ANKRD30A: variants seen among roughly 807,000 people sequenced by gnomAD.
ANKRD30A encodes the protein ankyrin repeat domain 30A.
ANKRD30A carries 170 observed loss-of-function variants against 166.3 expected under a neutral mutation model. The ratio of observed to expected loss-of-function variants is 1.02; its 90% CI spans 0.90 to 1.16. The LOEUF (loss-of-function observed/expected upper bound fraction) is 1.16, where lower values mean the gene tolerates loss of function less well. Ranked by LOEUF, ANKRD30A falls within the 50% of genes most tolerant of loss-of-function variation. The pLI is 0.00. For missense variants in ANKRD30A, 1,630 were observed against 1,518.0 expected (o/e 1.07, Z -1.23); for synonymous variants, 564 against 508.9 (o/e 1.11, Z -1.46).
rs779641844 is a variant in ANKRD30A at position 37,149,815 on chromosome 10, C to T, written c.1611C>T (p.Ala537=). ...TGCAAAACTCTGTTCCAAATAAAGCCTTTGAATTGAAGAATGAACAAACAT... is the reference window on the plus strand; with the variant it reads ...TGCAAAACTCTGTTCCAAATAAAGCTTTTGAATTGAAGAATGAACAAACAT... ...IEMQNSVPNK[A]FELKNEQTLR... Residue 537 remains alanine, a synonymous_variant, in exon 11 of 36, where the codon GCC becomes GCT. Transcript: ENST00000361713. 7.4e-6 allele frequency: 12 copies of T among 1,612,728 alleles called. No individual in the cohort carries two copies. Among genetic ancestry groups the T allele is most frequent in the South Asian group, 1.1e-5 (1 of 91,042 alleles).
intron 25 of ANKRD30A, among the ~76,000 whole-genome samples, chr10:37,192,154 A>G (rs1840636975): frequency 6.6e-6 from 1 of 151,964 alleles, no homozygotes; most frequent in Non-Finnish European, 1.5e-5. Flanking sequence ...CTGGCACCTC[A>G]GGCACCCAAG....
rs750053260 is a variant in ANKRD30A, at chr10:37,165,179, T to C, written c.2064+24T>C. On this transcript the variant is annotated intron_variant, in intron 18 of 35. Coordinates refer to ENST00000361713, the MANE Select transcript of ANKRD30A (RefSeq NM_052997.3). ...AGGTACTGTGTGTTGTTGATTTTTTTAAATATTAGTATTGCATGATATGAA... is the reference window on the plus strand; with the variant it reads ...AGGTACTGTGTGTTGTTGATTTTTTCAAATATTAGTATTGCATGATATGAA... 7 of 1,571,580 alleles carry C rather than the reference T, an allele frequency of 4.5e-6. No homozygotes were observed. The African/African-American group carries it at 9.4e-5, about 21-fold the overall frequency.
chr10:37,246,482 A>G, the ANKRD30A span, among the ~76,000 whole-genome samples: 122,148 of 152,188 alleles, frequency 0.8, 49,455 homozygotes, highest in Admixed American at 0.88. Context: ...CTTTAACTCC[A>G]TGTACACTCT....
At chr10:37,161,493 T>A (rs1838866850) in intron 15 of ANKRD30A, among the ~76,000 whole-genome samples, 1 of 152,150 alleles carries the variant, frequency 6.6e-6, no homozygotes, top group South Asian at 2.1e-4. Context: ...AGTTGAAGCA[T>A]TCTAGGCAGG....
intron 6 of ANKRD30A, among the ~76,000 whole-genome samples, chr10:37,140,029 A>G (rs1588765134): frequency 6.6e-6 from 1 of 152,350 alleles, no homozygotes; most frequent in East Asian, 1.9e-4. Context: ...TTTTATATGT[A>G]CTATATAGTG....
chr10:37,220,789 A>G (rs1199146618), intron 34 of ANKRD30A, among the ~76,000 whole-genome samples: 4 of 151,218 alleles, frequency 2.6e-5, no homozygotes, highest in Admixed American at 6.6e-5. Context: ...GGCAGGGTTC[A>G]TGTATAGTAC....
At chr10:37,166,867 A>G (rs1272376089) in intron 19 of ANKRD30A, among the ~76,000 whole-genome samples, 172 bp downstream of exon 19, 3 of 152,138 alleles carry the variant, frequency 2.0e-5, no homozygotes, top group Admixed American at 6.6e-5. Flanking sequence ...GCAACAGACT[A>G]TATTGTGAGT....
At chr10:37,210,654 C>A (rs1168743916) in intron 31 of ANKRD30A, among the ~76,000 whole-genome samples, 3 of 152,228 alleles carry the variant, frequency 2.0e-5, no homozygotes, top group South Asian at 2.1e-4. Flanking sequence ...TTAATGATTG[C>A]CATTCTAACT....
chr10:37,207,476 A>T (rs1054565822), intron 31 of ANKRD30A, among the ~76,000 whole-genome samples: 5 of 151,920 alleles, frequency 3.3e-5, no homozygotes, highest in Non-Finnish European at 7.4e-5. Context: ...TTCTTTTGTC[A>T]CTTAAAAATT....
Position 37,141,918 on chromosome 10 carries a change from T to G in ANKRD30A, c.1021T>G (p.Cys341Gly). 1 of 1,614,144 alleles carries G rather than the reference T, an allele frequency of 6.2e-7. No homozygotes were observed. Among genetic ancestry groups the G allele is most frequent in the South Asian group, 1.1e-5 (1 of 91,088 alleles). The change falls in exon 7 of 36, where the codon TGT (cysteine) becomes GGT (glycine). Residue 341 changes from cysteine (C) to glycine (G), a missense_variant. Around this residue, in one of 4 missense-constraint regions of ANKRD30A, gnomAD observed 904 missense variants for 818.5 expected, o/e 1.10. Coordinates refer to ENST00000361713, the MANE Select transcript of ANKRD30A (RefSeq NM_052997.3). Reference sequence around the variant, plus strand: ...GGAGGGAACATCTGACAAAATTCAATGTTTGGAGAAAGCGACATCTGGAAA... The same window carrying G: ...GGAGGGAACATCTGACAAAATTCAAGGTTTGGAGAAAGCGACATCTGGAAA... The part of the protein sequence containing the change: ...LVEGTSDKIQ[C>G]LEKATSGKFE...
intron 31 of ANKRD30A, among the ~76,000 whole-genome samples, chr10:37,215,115 T>C (rs181218973): frequency 3.3e-3 from 497 of 151,734 alleles, no homozygotes; most frequent in Non-Finnish European, 4.4e-3. Context: ...TTGATTTTTA[T>C]TGTAGAATAG....
chr10:37,198,976 T>C (rs1841392426), intron 29 of ANKRD30A, among the ~76,000 whole-genome samples: 1 of 152,110 alleles, frequency 6.6e-6, no homozygotes, highest in South Asian at 2.1e-4. Flanking sequence ...TGAGTGGGCC[T>C]TGATTTTATC....
intron 1 of ANKRD30A, among the ~76,000 whole-genome samples, chr10:37,127,518 G>A (rs1355351848): frequency 6.6e-6 from 1 of 152,146 alleles, no homozygotes; most frequent in Non-Finnish European, 1.5e-5. Context: ...GTATGTGTGT[G>A]TGTGTATACA....
At chr10:37,256,756 G>GA in the ANKRD30A span, among the ~76,000 whole-genome samples, 24 of 152,332 alleles carry the variant, frequency 1.6e-4, no homozygotes, top group Admixed American at 7.2e-4. Context: ...TATTGCATAT[G>GA]GTGGATAAGC....
At chr10:37,247,823 A>G in the ANKRD30A span, among the ~76,000 whole-genome samples, 1 of 150,238 alleles carries the variant, frequency 6.7e-6, no homozygotes, top group South Asian at 2.1e-4. Context: ...CGGAGCTTGC[A>G]GTGAGCGGAG....
At chr10:37,247,926 T>G in the ANKRD30A span, among the ~76,000 whole-genome samples, 1 of 151,118 alleles carries the variant, frequency 6.6e-6, no homozygotes, top group African/African-American at 2.4e-5. Flanking sequence ...ATACTTAGGC[T>G]TAATACCTGG....
At chr10:37,151,428 T>G (rs1453945303) in intron 11 of ANKRD30A, among the ~76,000 whole-genome samples, 1 of 152,102 alleles carries the variant, frequency 6.6e-6, no homozygotes, top group Non-Finnish European at 1.5e-5. Flanking sequence ...ATTGTTGCAT[T>G]AGGGAAGAAG....
chr10:37,154,312 C>T (rs936300958), intron 13 of ANKRD30A, among the ~76,000 whole-genome samples: 10 of 152,128 alleles, frequency 6.6e-5, no homozygotes, highest in Admixed American at 1.3e-4. Context: ...AGCTGAAAAC[C>T]TTGTTAACAA....
At chr10:37,222,459 A>G (rs563416459) in intron 34 of ANKRD30A, among the ~76,000 whole-genome samples, 1 of 151,404 alleles carries the variant, frequency 6.6e-6, no homozygotes, top group African/African-American at 2.4e-5. Context: ...ATTTATTGTC[A>G]AATAATATTC....
Sources: allele counts gnomAD v4.1 joint callset (sites outside exome capture counted in the v4.1 genomes callset), GRCh38; gene constraint gnomAD v4.1.1; regional missense constraint gnomAD v4.1.1; transcripts MANE v1.5; gene names NCBI Gene and HGNC (gene_info 2026-07-23, HGNC 2026-07-21).